DPYSL3: variants seen among roughly 807,000 people sequenced by gnomAD.
DPYSL3 encodes the protein dihydropyrimidinase-related protein 3.
DPYSL3 carries 16 observed loss-of-function variants against 66.1 expected under a neutral mutation model. That is an observed-to-expected ratio of 0.24 (90% CI 0.16 to 0.37). The LOEUF is 0.37. Among genes scored for constraint, DPYSL3 ranks in the 10% least tolerant of loss-of-function variants. The pLI is 1.00. For missense variants in DPYSL3, 738 were observed against 916.2 expected (o/e 0.81, Z 2.51); for synonymous variants, 338 against 345.1 (o/e 0.98, Z 0.23).
intron 10 of DPYSL3, among the ~76,000 whole-genome samples, chr5:147,400,008 A>G (rs1191923463): frequency 6.6e-6 from 1 of 152,234 alleles, no homozygotes; most frequent in East Asian, 1.9e-4. Flanking sequence ...GTGAAATTAC[A>G]CTGTGTAGAT....
At chr5:147,479,034 A>T (rs933857249) in intron 1 of DPYSL3, among the ~76,000 whole-genome samples, 6 of 152,204 alleles carry the variant, frequency 3.9e-5, no homozygotes, top group African/African-American at 1.4e-4. Flanking sequence ...GAATGTATAC[A>T]TTAATAAATT....
At chr5:147,453,628 T>G in intron 1 of DPYSL3, 1 of 1,520,112 alleles carries the variant, frequency 6.6e-7, no homozygotes, top group Non-Finnish European at 8.8e-7. Flanking sequence ...CCTCCCTCCT[T>G]CTTCTGCTCC....
intron 7 of DPYSL3, 139 bp downstream of exon 7, chr5:147,408,589 G>A (rs1057033077): frequency 8.8e-6 from 7 of 799,782 alleles, no homozygotes; most frequent in African/African-American, 6.9e-5. Flanking sequence ...ATTTTCTCAC[G>A]GGCTCCTGAG....
At chr5:147,497,591 AT>A (rs1333597341) in intron 1 of DPYSL3, among the ~76,000 whole-genome samples, 3 of 152,166 alleles carry the variant, frequency 2.0e-5, no homozygotes, top group African/African-American at 7.2e-5. Context: ...ACATTTGAGA[AT>A]CCATCACATT....
At chr5:147,458,047 A>C (rs1752877570) in intron 1 of DPYSL3, among the ~76,000 whole-genome samples, 1 of 152,194 alleles carries the variant, frequency 6.6e-6, no homozygotes, top group Non-Finnish European at 1.5e-5. Context: ...GGAACTAGGA[A>C]AATATGGTAT....
At chr5:147,450,524 G>C (rs1035819171) in intron 1 of DPYSL3, among the ~76,000 whole-genome samples, 1 of 152,206 alleles carries the variant, frequency 6.6e-6, no homozygotes, top group African/African-American at 2.4e-5. Flanking sequence ...CCTGAGAGGG[G>C]ACAATGAAGA....
Position 147,390,958 on chromosome 5 carries a change from G to C in DPYSL3, c.*3077C>G, listed in dbSNP as rs1757780373. On this transcript the variant is annotated 3_prime_UTR_variant, in exon 14 of 14. Coordinates refer to ENST00000343218, the MANE Select transcript of DPYSL3 (RefSeq NM_001197294.2). ...ACGTTCCAGAGCTGCCTCACAGCTA[G>C]CACAGATCACAGGAGATTACTGTCT... The C allele has an allele frequency of 6.6e-6, 1 of 152,646 alleles. No homozygotes were observed. The highest frequency in any genetic ancestry group is 1.5e-5 in the Non-Finnish European group (1 of 68,066). The allele number at this position is 152,646 out of a possible 1,614,324, so 9.5% of individuals were successfully genotyped here.
At chr5:147,439,573 G>T (rs538177751) in intron 1 of DPYSL3, among the ~76,000 whole-genome samples, 4 of 152,172 alleles carry the variant, frequency 2.6e-5, no homozygotes. Context: ...ATTTGAGCAG[G>T]GGAGTGACTT....
At chr5:147,412,342 C>A (rs1188246853) in intron 6 of DPYSL3, among the ~76,000 whole-genome samples, 1 of 152,196 alleles carries the variant, frequency 6.6e-6, no homozygotes, top group African/African-American at 2.4e-5. Context: ...AATTTGAAAT[C>A]CTCCTCTTCC....
At chr5:147,453,664 A>AT (rs1381758097) in intron 1 of DPYSL3, 2 of 1,477,452 alleles carry the variant, frequency 1.4e-6, no homozygotes, top group Non-Finnish European at 1.8e-6. Context: ...TCCTCAGCGC[A>AT]CAGCGCCCCG....
intron 1 of DPYSL3, among the ~76,000 whole-genome samples, chr5:147,428,260 T>C (rs1752235871): frequency 6.6e-6 from 1 of 152,158 alleles, no homozygotes; most frequent in South Asian, 2.1e-4. Flanking sequence ...CTACAAATAT[T>C]AACATTATTA....
At chr5:147,455,548 G>C (rs1205278720) in intron 1 of DPYSL3, among the ~76,000 whole-genome samples, 3 of 152,180 alleles carry the variant, frequency 2.0e-5, no homozygotes, top group African/African-American at 7.2e-5. Flanking sequence ...CAAGAGTTGT[G>C]AAATTACAAA....
intron 1 of DPYSL3, among the ~76,000 whole-genome samples, chr5:147,441,831 G>A (rs1025818412): frequency 2.0e-5 from 3 of 152,012 alleles, no homozygotes; most frequent in East Asian, 3.9e-4. Flanking sequence ...TAGCAAAAAG[G>A]GTTCTGAGAT....
At chr5:147,401,460 A>T (rs1395788535) in intron 9 of DPYSL3, 80 bp downstream of exon 9, 13 of 1,459,232 alleles carry the variant, frequency 8.9e-6, no homozygotes, top group East Asian at 4.9e-5. Flanking sequence ...TATAGATGGG[A>T]CTGCTCCTGT....
chr5:147,405,195 C>T (rs1015970049), intron 8 of DPYSL3, among the ~76,000 whole-genome samples: 1 of 152,150 alleles, frequency 6.6e-6, no homozygotes, highest in African/African-American at 2.4e-5. Flanking sequence ...TCTAGCCATA[C>T]CTGAAACACC....
intron 1 of DPYSL3, chr5:147,453,943 T>C (rs1397536522): frequency 3.4e-5 from 11 of 320,272 alleles, no homozygotes; most frequent in Non-Finnish European, 5.6e-5. Context: ...CTATTGATTT[T>C]CCTCTTTGCA....
At chr5:147,402,807 T>C (rs1046922961) in intron 8 of DPYSL3, among the ~76,000 whole-genome samples, 10 of 152,228 alleles carry the variant, frequency 6.6e-5, no homozygotes, top group African/African-American at 1.9e-4. Context: ...ATAAAGGCTA[T>C]TGGAATATAC....
chr5:147,453,359 A>T (rs2126398601), intron 1 of DPYSL3, among the ~76,000 whole-genome samples: 1 of 152,098 alleles, frequency 6.6e-6, no homozygotes, highest in East Asian at 2.0e-4. Flanking sequence ...GTTTTCCCCA[A>T]ACCCCAGGGT....
chr5:147,428,374 A>G (rs1379132742), intron 1 of DPYSL3, among the ~76,000 whole-genome samples: 2 of 152,060 alleles, frequency 1.3e-5, no homozygotes, highest in African/African-American at 2.4e-5. Flanking sequence ...ATCCTCCCCA[A>G]TTTTAACTCT....
Sources: allele counts gnomAD v4.1 joint callset (sites outside exome capture counted in the v4.1 genomes callset), GRCh38; gene constraint gnomAD v4.1.1; transcripts MANE v1.5; gene names NCBI Gene and HGNC (gene_info 2026-07-23, HGNC 2026-07-21).